ABCA5: variants seen among roughly 807,000 people sequenced by gnomAD.
ABCA5 encodes the protein cholesterol transporter ABCA5.
In ABCA5, 163 loss-of-function variants were observed where a neutral mutation model predicts 206.0. That is an observed-to-expected ratio of 0.79 (90% CI 0.70 to 0.90). ABCA5 has a LOEUF of 0.90. Among genes scored for constraint, ABCA5 ranks in the 40% least tolerant of loss-of-function variants. The pLI is 0.00. For synonymous variants in ABCA5, 609 were observed against 613.8 expected (o/e 0.99, Z 0.11); for missense variants, 1,859 against 1,912.9 (o/e 0.97, Z 0.53).
rs1405921675 is a variant in ABCA5 at position 69,289,869 on chromosome 17, A to G, written c.1775T>C (p.Ile592Thr). 1.2e-6 allele frequency: 2 copies of G among 1,602,812 alleles called. No individual in the cohort carries two copies. The highest frequency in any genetic ancestry group is 1.7e-6 in the Non-Finnish European group (2 of 1,174,882). ...SIKGIPANNI[I>T]QEVQKVLLDL... ...TCTATATGAATAGCATACTTCTTGT[A>G]TTATATTGTTGGCTGGTATCCCTTT... The change falls in exon 13 of 39, where the codon ATA (isoleucine) becomes ACA (threonine). Residue 592 changes from isoleucine (I) to threonine (T), a missense_variant. By Grantham distance (89) the Ile-to-Thr change is moderately conservative. Coordinates refer to ENST00000392676, the MANE Select transcript of ABCA5 (RefSeq NM_172232.4).
In ABCA5 at chr17:69,303,861, T is replaced by TATACACACATAC. The variant is rs1345250742; in HGVS notation, c.930+807_930+808insGTATGTGTGTAT. Among the ~76,000 whole-genome samples, 516 of 59,498 alleles carry TATACACACATAC rather than the reference T, an allele frequency of 8.7e-3. 74 individuals are homozygous for TATACACACATAC. Among genetic ancestry groups the TATACACACATAC allele is most frequent in the Admixed American group, 0.033 (119 of 3,654 alleles). 39.0% of individuals were successfully genotyped at this position (59,498 alleles called of 152,430 possible). A position where few individuals can be genotyped will look rare whatever the true frequency, so the allele number is the denominator to read the frequency against. The stretch of plus-strand genomic sequence containing the variant: ...ATATACATACATATATATATGTATA[T>TATACACACATAC]ATATATATACATATATACATACACA... On this transcript the variant is annotated intron_variant, in intron 7 of 38. Coordinates refer to ENST00000392676, the MANE Select transcript of ABCA5 (RefSeq NM_172232.4).
chr17:69,251,943 C>A, intron 34 of ABCA5, 77 bp from the exon 35 acceptor site: 1 of 1,519,358 alleles, frequency 6.6e-7, no homozygotes, highest in Non-Finnish European at 8.9e-7. Context: ...AAAATCCAAC[C>A]GGTTGGTTAA....
In ABCA5 at chr17:69,255,542, C is replaced by A; in HGVS notation, c.4068+1G>T. ...ATATCCTATACTCTTATATATCATA[C>A]CTGGCCTGAAGTTGGTTCAATATCA... is the stretch of plus-strand genomic sequence containing the variant. On this transcript the variant is annotated splice_donor_variant, in intron 31 of 38. Coordinates refer to ENST00000392676, the MANE Select transcript of ABCA5 (RefSeq NM_172232.4). LOFTEE classifies it high-confidence loss of function. 3 of 1,543,238 alleles carry A rather than the reference C, an allele frequency of 1.9e-6. No individual in the cohort carries two copies. Among genetic ancestry groups the A allele is most frequent in the Non-Finnish European group, 8.7e-7 (1 of 1,150,428 alleles).
intron 19 of ABCA5, among the ~76,000 whole-genome samples, chr17:69,276,492 A>G (rs1013179442): frequency 2.0e-5 from 3 of 152,350 alleles, no homozygotes; most frequent in African/African-American, 4.8e-5. Context: ...GGATGAGTTC[A>G]TGTCCTTTGA....
At position 69,297,285 on chromosome 17, in the gene ABCA5, CATA is replaced by C; in HGVS notation, c.1339_1341del (p.Tyr447del). On this transcript the variant is annotated inframe_deletion, in exon 10 of 39. Coordinates refer to ENST00000392676, the MANE Select transcript of ABCA5 (RefSeq NM_172232.4). ...TTAACATTGCCCTCTGATAACTCCT[CATA>C]ATTTCTTTTGCTCTTTGACCAATAT... The C allele has an allele frequency of 1.2e-6, 2 of 1,612,906 alleles. No individual in the cohort carries two copies. The highest frequency in any genetic ancestry group is 1.3e-5 in the African/African-American group (1 of 74,966).
chr17:69,264,974 T>G, intron 23 of ABCA5, 69 bp from the exon 24 acceptor site: 1 of 1,111,022 alleles, frequency 9.0e-7, no homozygotes, highest in Non-Finnish European at 1.2e-6. Context: ...AATTAGTAAA[T>G]TATTGTAGAT....
At position 69,289,944 on chromosome 17, in the gene ABCA5, T is replaced by G. The variant is rs1420294382; in HGVS notation, c.1700A>C (p.His567Pro). The G allele has an allele frequency of 5.6e-6, 9 of 1,612,338 alleles. No individual in the cohort carries two copies. In the Admixed American group the frequency reaches 8.4e-5, roughly 15 times the overall value. Residue 567 changes from histidine to proline, a missense_variant, in exon 13 of 39, where the codon CAC becomes CCC. By Grantham distance (77) the His-to-Pro change is moderately conservative. Transcript: ENST00000392676. ...MIGICPQLDI[H>P]FDVLTVEENL... ...TTCTTCTACTGTCAAAACATCAAAG[T>G]GTATATCTAACTGTGGACAAATGCC...
chr17:69,300,995 A>T, intron 9 of ABCA5, 144 bp downstream of exon 9: 1 of 643,858 alleles, frequency 1.6e-6, no homozygotes, highest in Non-Finnish European at 2.4e-6. Flanking sequence ...AAATATACTT[A>T]TTTAAAGTCA....
intron 9 of ABCA5, among the ~76,000 whole-genome samples, chr17:69,300,860 T>C (rs1184422406): frequency 6.6e-6 from 1 of 152,068 alleles, no homozygotes; most frequent in Non-Finnish European, 1.5e-5. Context: ...ATAAAATACT[T>C]CAATTAAAAA....
At chr17:69,277,867 T>C (rs2075351279) in intron 18 of ABCA5, 25 bp from the exon 19 acceptor site, 1 of 1,441,114 alleles carries the variant, frequency 6.9e-7, no homozygotes, top group Admixed American at 2.5e-5. Flanking sequence ...AAAACAAACA[T>C]TTCAGTATGT....
intron 15 of ABCA5, 37 bp downstream of exon 15, chr17:69,287,576 A>C: frequency 6.3e-7 from 1 of 1,589,930 alleles, no homozygotes; most frequent in Non-Finnish European, 8.6e-7. Flanking sequence ...CTTTTGGCCC[A>C]TGATCTCAGC....
rs1379819349 is a variant in ABCA5 at position 69,327,080 on chromosome 17, G to C, written c.-44C>G. 6.5e-6 allele frequency: 1 copy of C among 153,680 alleles called. No homozygotes were observed. The highest frequency in any genetic ancestry group is 2.4e-5 in the African/African-American group (1 of 41,472). The allele number at this position is 153,680 out of a possible 1,614,324, so 9.5% of individuals were successfully genotyped here. A position where few individuals can be genotyped will look rare whatever the true frequency, so the allele number is the denominator to read the frequency against. On this transcript the variant is annotated 5_prime_UTR_variant, in exon 1 of 39. Transcript: ENST00000392676. Reference sequence around the variant, plus strand: ...AGGGCCCGAGCCGCAGAGCTGTCAGGCCTGGACGCGCTCAGTCTGTTGACT... The same window carrying C: ...AGGGCCCGAGCCGCAGAGCTGTCAGCCCTGGACGCGCTCAGTCTGTTGACT...
intron 18 of ABCA5, among the ~76,000 whole-genome samples, chr17:69,281,867 A>T (rs1421847628): frequency 6.6e-6 from 1 of 152,208 alleles, no homozygotes; most frequent in African/African-American, 2.4e-5. Context: ...TATCACAATG[A>T]TTTTAATCAT....
At position 69,253,590 on chromosome 17, in the gene ABCA5, T is replaced by C. The variant is rs746307111; in HGVS notation, c.4398A>G (p.Lys1466=). ...ATACTCACCACATGTGCTGTTTGGC[T>C]TTGGGATCCATACCTGTAGATGGTT... is the stretch of plus-strand genomic sequence containing the variant. ...LDEPSTGMDP[K]AKQHMWRAIR... The change falls in exon 34 of 39, where the codon AAA becomes AAG. Residue 1466 remains lysine, a synonymous_variant. Transcript: ENST00000392676. 1 of 1,613,666 alleles carries C rather than the reference T, an allele frequency of 6.2e-7. No individual in the cohort carries two copies. Among genetic ancestry groups the C allele is most frequent in the Non-Finnish European group, 8.5e-7 (1 of 1,179,656 alleles).
intron 22 of ABCA5, chr17:69,268,593 T>C (rs189677452): frequency 6.6e-6 from 1 of 152,310 alleles, no homozygotes; most frequent in Non-Finnish European, 1.5e-5. Context: ...TGCAGTCAGC[T>C]AACTTTCCCA....
chr17:69,275,095 C>CA (rs2075316592), intron 19 of ABCA5, among the ~76,000 whole-genome samples: 1 of 152,162 alleles, frequency 6.6e-6, no homozygotes, highest in African/African-American at 2.4e-5. Flanking sequence ...CCAGCTGCTG[C>CA]AGCCTTCCAA....
chr17:69,252,499 A>C (rs921688794), intron 34 of ABCA5, among the ~76,000 whole-genome samples: 1 of 152,310 alleles, frequency 6.6e-6, no homozygotes, highest in East Asian at 1.9e-4. Context: ...ACATGCATCC[A>C]AACCAAACCT....
At position 69,289,913 on chromosome 17, in the gene ABCA5, T is replaced by C. The variant is rs1218225853; in HGVS notation, c.1731A>G (p.Leu577=). ...HFDVLTVEEN[L]SILASIKGIP... The stretch of plus-strand genomic sequence containing the variant: ...TCCCTTTGATTGAAGCCAAAATTGA[T>C]AAATTTTCTTCTACTGTCAAAACAT... Residue 577 remains leucine (L), a synonymous_variant, in exon 13 of 39, where the codon TTA becomes TTG. Transcript: ENST00000392676. 1 of 1,611,926 alleles carries C rather than the reference T, an allele frequency of 6.2e-7. No individual in the cohort carries two copies. The highest frequency in any genetic ancestry group is 8.5e-7 in the Non-Finnish European group (1 of 1,179,188).
Position 69,248,329 on chromosome 17 carries a change from T to A in ABCA5, c.4766-12A>T, listed in dbSNP as rs1568085452. 6.8e-7 allele frequency: 1 copy of A among 1,479,718 alleles called. No individual in the cohort carries two copies. The highest frequency in any genetic ancestry group is 2.4e-5 in the East Asian group (1 of 41,692). 91.7% of individuals were successfully genotyped at this position (1,479,718 alleles called of 1,614,324 possible). Reference sequence around the variant, plus strand: ...AAAAGCATGTTTAGCTATTAAAATATAAAAATAGTATTTTACTTATCAATA... The same window carrying A: ...AAAAGCATGTTTAGCTATTAAAATAAAAAAATAGTATTTTACTTATCAATA... On this transcript the variant is annotated splice_polypyrimidine_tract_variant and intron_variant, in intron 37 of 38. Transcript: ENST00000392676.
Sources: gnomAD v4.1 joint callset for allele counts (sites outside exome capture counted in the v4.1 genomes callset) on GRCh38, gnomAD v4.1.1 for gene constraint, MANE v1.5 for transcripts, NCBI Gene and HGNC (gene_info 2026-07-23, HGNC 2026-07-21) for gene names.